Variants in SCARA3 observed in about 807,000 individuals in gnomAD.
SCARA3 encodes scavenger receptor class A member 3.
SCARA3 carries 39 observed loss-of-function variants against 47.0 expected under a neutral mutation model. The ratio of observed to expected loss-of-function variants is 0.83; its 90% confidence interval spans 0.64 to 1.08. The LOEUF is 1.08. SCARA3 is among the 50% of genes least tolerant of loss of function. The pLI, the probability that SCARA3 is intolerant of heterozygous loss-of-function variation, is 0.00. For missense variants in SCARA3, 724 were observed against 792.3 expected, an observed-to-expected ratio of 0.91 and a Z score of 1.04; for synonymous variants, 356 against 334.1, an observed-to-expected ratio of 1.07 and a Z score of -0.71.
At chr8:27,676,626 A>T (rs1465964318), downstream of SCARA3, 2 of 1,294,192 alleles carry the variant, frequency 1.5e-6, no homozygotes, top group East Asian at 2.3e-5. Flanking sequence ...AAAGCCCAGG[A>T]TGACCAAGAA....
chr8:27,657,259 G>A (rs773325997), intron 4 of SCARA3, among the ~76,000 whole-genome samples: 1 of 151,888 alleles, frequency 6.6e-6, no homozygotes, highest in South Asian at 2.1e-4. Context: ...GCTGTGCCAC[G>A]ATTCTTTTCT....
chr8:27,710,789 C>T, the SCARA3 span, among the ~76,000 whole-genome samples: 2 of 152,066 alleles, frequency 1.3e-5, no homozygotes, highest in Non-Finnish European at 2.9e-5. Flanking sequence ...CCTATAGTTT[C>T]TCACATTCTG....
At chr8:27,724,494 C>T in the SCARA3 span, among the ~76,000 whole-genome samples, 1 of 152,060 alleles carries the variant, frequency 6.6e-6, no homozygotes, top group Non-Finnish European at 1.5e-5. Context: ...TCTGTCGCTA[C>T]TAAAAATACA....
intron 1 of SCARA3, among the ~76,000 whole-genome samples, chr8:27,648,428 C>T (rs1376839700): frequency 6.6e-6 from 1 of 152,120 alleles, no homozygotes; most frequent in Non-Finnish European, 1.5e-5. Context: ...CATGGTGAAA[C>T]CTCGTTTCTA....
chr8:27,710,123 G>A, the SCARA3 span, among the ~76,000 whole-genome samples: 2 of 151,972 alleles, frequency 1.3e-5, no homozygotes, highest in Admixed American at 1.3e-4. Context: ...CCAGCTGCTC[G>A]GGAGGCTGAG....
At chr8:27,705,476 C>A in the SCARA3 span, among the ~76,000 whole-genome samples, 4 of 152,346 alleles carry the variant, frequency 2.6e-5, no homozygotes, top group Admixed American at 2.6e-4. Flanking sequence ...AGATGAGGTG[C>A]CCCATCACCC....
intron 1 of SCARA3, among the ~76,000 whole-genome samples, chr8:27,643,812 C>T (rs1484285146): frequency 1.3e-5 from 2 of 152,280 alleles, no homozygotes; most frequent in East Asian, 3.9e-4. Flanking sequence ...GAATCTCTCC[C>T]CCTTGTTGAC....
intron 1 of SCARA3, among the ~76,000 whole-genome samples, chr8:27,641,777 G>A (rs1411695883): frequency 6.6e-6 from 1 of 152,218 alleles, no homozygotes; most frequent in Admixed American, 6.5e-5. Flanking sequence ...GGCAGGATGT[G>A]TAGAGATGAG....
intron 1 of SCARA3, among the ~76,000 whole-genome samples, chr8:27,641,212 G>A (rs892488804): frequency 2.6e-5 from 4 of 152,204 alleles, no homozygotes; most frequent in Admixed American, 2.6e-4. Context: ...CTGAGTCAAA[G>A]GGCACTCGCC....
the SCARA3 span, among the ~76,000 whole-genome samples, chr8:27,712,766 CG>C: frequency 2.0e-5 from 3 of 151,870 alleles, no homozygotes; most frequent in Non-Finnish European, 4.4e-5. Flanking sequence ...TCTGTGTAGA[CG>C]TAAGTTTTTA....
intron 2 of SCARA3, 71 bp from the exon 3 acceptor site, chr8:27,651,437 C>T (rs1344512060): frequency 8.3e-6 from 13 of 1,560,010 alleles, no homozygotes; most frequent in Admixed American, 3.5e-5. Context: ...AGAGCAGGAA[C>T]ATGGAACTGA....
At chr8:27,725,497 T>C in the SCARA3 span, among the ~76,000 whole-genome samples, 1 of 149,976 alleles carries the variant, frequency 6.7e-6, no homozygotes, top group African/African-American at 2.5e-5. Flanking sequence ...AAATCTAAAG[T>C]TCTATACCAT....
intron 2 of SCARA3, among the ~76,000 whole-genome samples, chr8:27,650,206 G>T (rs1289755739): frequency 6.6e-6 from 1 of 152,018 alleles, no homozygotes; most frequent in Non-Finnish European, 1.5e-5. Flanking sequence ...TGTTGCCCAG[G>T]CTGGTCTCAA....
the SCARA3 span, among the ~76,000 whole-genome samples, chr8:27,732,827 A>C: frequency 6.6e-6 from 1 of 152,158 alleles, no homozygotes; most frequent in Non-Finnish European, 1.5e-5. Flanking sequence ...TGGGAGAAAA[A>C]CTTGTATGTT....
chr8:27,670,686 C>T (rs1407842080), intron 5 of SCARA3, among the ~76,000 whole-genome samples: 3 of 152,036 alleles, frequency 2.0e-5, no homozygotes, highest in Admixed American at 6.5e-5. Context: ...TCCCTAATCT[C>T]AGTGTGTGTG....
In SCARA3 at chr8:27,658,857, G is replaced by C. The variant is rs2128920755; in HGVS notation, c.687G>C (p.Gln229His). ...ACCAGATCAACTTCACCGTGGGGCA[G>C]ACTTCCGAGTGGATCCACGGGATCC... ...AVHQINFTVG[Q>H]TSEWIHGIQR... The change falls in exon 5 of 6, where the codon CAG (glutamine) becomes CAC (histidine). Residue 229 changes from glutamine (Q) to histidine (H), a missense_variant. Transcript: ENST00000301904. 6.2e-7 allele frequency: 1 copy of C among 1,614,204 alleles called. No individual in the cohort carries two copies. The highest frequency in any genetic ancestry group is 2.2e-5 in the East Asian group (1 of 44,876).
At position 27,658,763 on chromosome 8, in the gene SCARA3, C is replaced by T. The variant is rs1239816079; in HGVS notation, c.593C>T (p.Thr198Ile). 1 of 1,613,986 alleles carries T rather than the reference C, an allele frequency of 6.2e-7. No individual in the cohort carries two copies. Among genetic ancestry groups the T allele is most frequent in the African/African-American group, 1.3e-5 (1 of 74,932 alleles). ...FLAQVRGWQA[T>I]TAGLDLSLKD... ...GCCCAGGTGAGAGGCTGGCAGGCCA[C>T]CACAGCTGGCCTGGACCTCTCTCTG... Residue 198 changes from threonine to isoleucine, a missense_variant, in exon 5 of 6, where the codon ACC (threonine) becomes ATC (isoleucine). Thr to Ile is a moderately conservative substitution (Grantham distance 89). Transcript: ENST00000301904.
At chr8:27,714,193 C>CTTTTTTT in the SCARA3 span, among the ~76,000 whole-genome samples, 473 of 114,098 alleles carry the variant, frequency 4.1e-3, 22 homozygotes, top group African/African-American at 0.016. Flanking sequence ...TCAGGTATTC[C>CTTTTTTT]TTTTTTTTTT....
chr8:27,634,146 C>A lies in SCARA3; in HGVS notation c.-55C>A. ...AGGATCCGCCGGCCGCCCGGCTCCACTACAGCTCCAGCCGCCTGCAGCGGG... is the reference window on the plus strand; with the variant it reads ...AGGATCCGCCGGCCGCCCGGCTCCAATACAGCTCCAGCCGCCTGCAGCGGG... On this transcript the variant is annotated 5_prime_UTR_variant, in exon 1 of 6. Transcript: ENST00000301904. The A allele has an allele frequency of 6.9e-7, 1 of 1,455,844 alleles. No individual in the cohort carries two copies. Among genetic ancestry groups the A allele is most frequent in the Non-Finnish European group, 9.0e-7 (1 of 1,109,770 alleles). 90.2% of individuals were successfully genotyped at this position (1,455,844 alleles called of 1,614,324 possible).
Sources: gnomAD v4.1 joint callset for allele counts (sites outside exome capture counted in the v4.1 genomes callset) on GRCh38, gnomAD v4.1.1 for gene constraint, MANE v1.5 for transcripts, NCBI Gene and HGNC (gene_info 2026-07-23, HGNC 2026-07-21) for gene names.